CDC42SE2: variants seen among roughly 807,000 people sequenced by gnomAD.
CDC42SE2 encodes the protein CDC42 small effector protein 2.
CDC42SE2 carries 3 observed loss-of-function variants against 11.5 expected under a neutral mutation model. The ratio of observed to expected loss-of-function variants is 0.26; its 90% CI spans 0.12 to 0.67. The LOEUF is 0.67. CDC42SE2 is among the 30% of genes least tolerant of loss of function. The pLI, the probability that CDC42SE2 is intolerant of heterozygous loss-of-function variation, is 0.80. For missense variants in CDC42SE2, 82 were observed against 106.8 expected (o/e 0.77, Z 1.02); for synonymous variants, 33 against 34.8 (o/e 0.95, Z 0.18).
intron 1 of CDC42SE2, among the ~76,000 whole-genome samples, chr5:131,279,509 CT>C (rs140266811): frequency 0.039 from 4,974 of 127,122 alleles, 291 homozygotes; most frequent in African/African-American, 0.13. Context: ...TTTTTTTTAA[CT>C]TTTTTTTCTG....
rs183024116 is a variant in CDC42SE2 at position 131,286,914 on chromosome 5, T to C, written c.-455+22748T>C. On this transcript the variant is annotated intron_variant, in intron 1 of 4. Coordinates refer to ENST00000505065, the MANE Select transcript of CDC42SE2 (RefSeq NM_001375635.1). The stretch of plus-strand genomic sequence containing the variant: ...GAGTCAAAAGTTACTTGCAGATTTT[T>C]GATGGAGTGAGGGGCTGACAGGTTG... Among the ~76,000 whole-genome samples the C allele has an allele frequency of 2.5e-3, 380 of 152,118 alleles. 2 individuals carry two copies. The highest frequency in any genetic ancestry group is 8.6e-3 in the African/African-American group (356 of 41,516).
intron 3 of CDC42SE2, among the ~76,000 whole-genome samples, chr5:131,379,359 A>G (rs903078575): frequency 1.1e-4 from 17 of 152,194 alleles, no homozygotes; most frequent in African/African-American, 3.9e-4. Context: ...TTTGCACACT[A>G]AGCTGCCCAG....
chr5:131,285,422 A>G (rs1291756048), intron 1 of CDC42SE2, among the ~76,000 whole-genome samples: 1 of 152,248 alleles, frequency 6.6e-6, no homozygotes, highest in Admixed American at 6.5e-5. Flanking sequence ...CATGATTAGC[A>G]TATATTATAA....
intron 2 of CDC42SE2, among the ~76,000 whole-genome samples, chr5:131,256,043 G>C (rs541850621): frequency 6.6e-6 from 1 of 152,124 alleles, no homozygotes; most frequent in Non-Finnish European, 1.5e-5. Context: ...TTTTTACTAA[G>C]GGACTTTGTC....
chr5:131,318,273 G>T (rs903594979), intron 2 of CDC42SE2, among the ~76,000 whole-genome samples: 1 of 152,116 alleles, frequency 6.6e-6, no homozygotes, highest in Non-Finnish European at 1.5e-5. Context: ...AGAGAAAGTT[G>T]TATGATGCAC....
At chr5:131,376,242 A>G (rs957514542) in intron 3 of CDC42SE2, among the ~76,000 whole-genome samples, 2 of 152,066 alleles carry the variant, frequency 1.3e-5, no homozygotes, top group Non-Finnish European at 2.9e-5. Context: ...GTCTCAAAAA[A>G]AAAAACAAAA....
intron 3 of CDC42SE2, among the ~76,000 whole-genome samples, chr5:131,377,098 A>G (rs1258666367): frequency 6.6e-6 from 1 of 151,902 alleles, no homozygotes; most frequent in African/African-American, 2.4e-5. Context: ...ACTAATTTAC[A>G]TTCCCACCAG....
At chr5:131,325,585 T>C (rs1195111007) in intron 2 of CDC42SE2, among the ~76,000 whole-genome samples, 2 of 152,100 alleles carry the variant, frequency 1.3e-5, no homozygotes, top group Admixed American at 1.3e-4. Flanking sequence ...GTATAATATG[T>C]GCCAGGCTCT....
chr5:131,300,627 C>T (rs768312758), intron 1 of CDC42SE2, among the ~76,000 whole-genome samples: 1 of 151,686 alleles, frequency 6.6e-6, no homozygotes, highest in Non-Finnish European at 1.5e-5. Flanking sequence ...ACTAAAAATA[C>T]AAAAAATTAG....
chr5:131,244,124 A>G (rs1318198803), upstream of CDC42SE2, among the ~76,000 whole-genome samples: 1 of 152,254 alleles, frequency 6.6e-6, no homozygotes, highest in African/African-American at 2.4e-5. Flanking sequence ...TAAAATACCC[A>G]GGTCCAATTC....
intron 1 of CDC42SE2, among the ~76,000 whole-genome samples, chr5:131,297,280 A>G (rs916293228): frequency 6.6e-6 from 1 of 151,468 alleles, no homozygotes; most frequent in African/African-American, 2.4e-5. Context: ...ATTTAGTTCC[A>G]TTCTTCTCCA....
intron 2 of CDC42SE2, among the ~76,000 whole-genome samples, chr5:131,340,062 A>G (rs73786651): frequency 0.017 from 2,601 of 152,318 alleles, 75 homozygotes; most frequent in African/African-American, 0.059. Context: ...ATCAGCAACA[A>G]TAGAGGTCTT....
chr5:131,268,895 C>T (rs778731923), intron 1 of CDC42SE2, among the ~76,000 whole-genome samples: 43 of 150,890 alleles, frequency 2.8e-4, no homozygotes, highest in Admixed American at 2.7e-3. Flanking sequence ...GGACTACAGG[C>T]GTGTGCCACC....
chr5:131,222,194 A>G, the CDC42SE2 span, among the ~76,000 whole-genome samples: 1 of 152,230 alleles, frequency 6.6e-6, no homozygotes, highest in African/African-American at 2.4e-5. Flanking sequence ...CTCAAATTTT[A>G]CTAATTTGGG....
intron 1 of CDC42SE2, among the ~76,000 whole-genome samples, chr5:131,250,846 C>T (rs756134347): frequency 1.3e-5 from 2 of 151,986 alleles, no homozygotes; most frequent in Non-Finnish European, 2.9e-5. Context: ...TAGAGCCCAG[C>T]CTGGTAAACA....
chr5:131,327,785 G>C (rs898732251), intron 2 of CDC42SE2, among the ~76,000 whole-genome samples: 5 of 152,124 alleles, frequency 3.3e-5, no homozygotes, highest in Non-Finnish European at 7.4e-5. Flanking sequence ...GTTAAATTAT[G>C]GGTTAGTGCC....
At chr5:131,246,668 G>A (rs1311073792) in intron 1 of CDC42SE2, among the ~76,000 whole-genome samples, 1 of 151,928 alleles carries the variant, frequency 6.6e-6, no homozygotes, top group African/African-American at 2.4e-5. Context: ...TTCTTTTTCA[G>A]GGTGGGTGAG....
chr5:131,392,232 T>G lies in CDC42SE2; in HGVS notation c.*1141T>G, dbSNP rs1000471142. The G allele has an allele frequency of 6.5e-6, 1 of 152,752 alleles. No individual in the cohort carries two copies. The highest frequency in any genetic ancestry group is 1.5e-5 in the Non-Finnish European group (1 of 68,026). 9.5% of individuals were successfully genotyped at this position (152,752 alleles called of 1,614,324 possible). ...TTGGAAAGCAAGGACCTGCTATTAT[T>G]TGTTAATTTGCCATCATTTATGTAT... On this transcript the variant is annotated 3_prime_UTR_variant, in exon 5 of 5. Transcript: ENST00000505065.
At chr5:131,276,902 A>T (rs943866902) in intron 1 of CDC42SE2, among the ~76,000 whole-genome samples, 2 of 149,616 alleles carry the variant, frequency 1.3e-5, no homozygotes, top group African/African-American at 2.5e-5. Flanking sequence ...TAATTTTTTT[A>T]TTTTTTTTTG....
Sources: allele counts gnomAD v4.1 joint callset (sites outside exome capture counted in the v4.1 genomes callset), GRCh38; gene constraint gnomAD v4.1.1; transcripts MANE v1.5; gene names NCBI Gene and HGNC (gene_info 2026-07-23, HGNC 2026-07-21).